ENTREP3: variants seen among roughly 807,000 people sequenced by gnomAD.
ENTREP3 encodes the protein endosomal transmembrane epsin interactor 3.
chr1:155,253,987 A>C, the ENTREP3 span: 1 of 1,612,782 alleles, frequency 6.2e-7, no homozygotes, highest in Admixed American at 1.7e-5. Flanking sequence ...TCCTGAGTGG[A>C]GCAGGGAGGG....
the ENTREP3 span, chr1:155,248,613 T>C: frequency 1.4e-6 from 1 of 703,516 alleles, no homozygotes; most frequent in South Asian, 1.7e-5. Flanking sequence ...AGCATCTCTG[T>C]CCATATTAGC....
the ENTREP3 span, chr1:155,247,868 G>C: frequency 6.5e-7 from 1 of 1,528,390 alleles, no homozygotes. Flanking sequence ...GACAGGAGAC[G>C]CCGCAGGGAA....
chr1:155,248,934 T>C, the ENTREP3 span, among the ~76,000 whole-genome samples: 1 of 152,050 alleles, frequency 6.6e-6, no homozygotes, highest in Non-Finnish European at 1.5e-5. Flanking sequence ...TAGGCTGGTC[T>C]TGAACTCCTG....
At chr1:155,254,115 T>C in the ENTREP3 span, 3 of 1,614,048 alleles carry the variant, frequency 1.9e-6, no homozygotes, top group South Asian at 3.3e-5. The surrounding 1 kb of genome is among the most constrained non-coding windows in gnomAD (Gnocchi z 4.4). Flanking sequence ...TCGGGCCAGT[T>C]GAGCATTCTT....
chr1:155,247,480 A>G, the ENTREP3 span: 1 of 646,512 alleles, frequency 1.5e-6, no homozygotes, highest in Non-Finnish European at 2.9e-6. Flanking sequence ...GCCCTTGCAA[A>G]TCAGAAAGAG....
chr1:155,249,885 CA>C, the ENTREP3 span, among the ~76,000 whole-genome samples: 454 of 31,148 alleles, frequency 0.015, 1 homozygote, highest in African/African-American at 0.061. Context: ...GACACCGTCT[CA>C]AAAAAAAAAA....
At chr1:155,250,860 C>T in the ENTREP3 span, 14 of 1,546,416 alleles carry the variant, frequency 9.1e-6, no homozygotes, top group Non-Finnish European at 1.2e-5. This position sits in a 1 kb window ranked among gnomAD's most constrained non-coding sequence, Gnocchi z 5.4. Flanking sequence ...ACCAGCCTGG[C>T]CTGGCCTAGC....
At chr1:155,255,340 C>T in the ENTREP3 span, 1 of 166,864 alleles carries the variant, frequency 6.0e-6, no homozygotes, top group African/African-American at 2.4e-5. The surrounding 1 kb of genome is among the most constrained non-coding windows in gnomAD (Gnocchi z 5.6). Flanking sequence ...CTCAGGGCGT[C>T]CAGTAGGATC....
At chr1:155,254,172 G>A in the ENTREP3 span, 4 of 1,613,862 alleles carry the variant, frequency 2.5e-6, no homozygotes, top group African/African-American at 1.3e-5. This position sits in a 1 kb window ranked among gnomAD's most constrained non-coding sequence, Gnocchi z 4.4. Flanking sequence ...ACAGAGCACC[G>A]AAAGCAAGGA....
At chr1:155,250,613 C>G in the ENTREP3 span, 2 of 1,609,198 alleles carry the variant, frequency 1.2e-6, no homozygotes, top group Admixed American at 1.7e-5. This position sits in a 1 kb window ranked among gnomAD's most constrained non-coding sequence, Gnocchi z 5.4. Flanking sequence ...GGCGCCGTGG[C>G]AGGGGGCTTT....
the ENTREP3 span, chr1:155,253,476 ATTCCTCCAATAGAT>A: frequency 1.6e-6 from 1 of 607,496 alleles, no homozygotes; most frequent in Non-Finnish European, 3.0e-6. Context: ...CTAAACATCC[ATTCCTCCAATAGAT>A]GAGGATAATA....
At chr1:155,252,041 C>G in the ENTREP3 span, 350 of 620,658 alleles carry the variant, frequency 5.6e-4, 3 homozygotes, top group South Asian at 9.1e-3. Context: ...TGGCCCCTCC[C>G]TCACCCAAAA....
chr1:155,253,651 T>C, the ENTREP3 span: 1 of 1,613,922 alleles, frequency 6.2e-7, no homozygotes, highest in Non-Finnish European at 8.5e-7. Flanking sequence ...AGGGAGAAGA[T>C]TTGGATGCAG....
chr1:155,248,215 A>G, the ENTREP3 span: 3 of 1,608,824 alleles, frequency 1.9e-6, no homozygotes, highest in East Asian at 4.5e-5. Flanking sequence ...AGGTGGGCAC[A>G]GGGCGCCGTT....
the ENTREP3 span, chr1:155,254,489 C>G: frequency 6.2e-7 from 1 of 1,613,408 alleles, no homozygotes; most frequent in Non-Finnish European, 8.5e-7. The surrounding 1 kb of genome is among the most constrained non-coding windows in gnomAD (Gnocchi z 4.4). Flanking sequence ...CTCAGCCTGG[C>G]AGGGGAGGCT....
At chr1:155,249,530 G>A in the ENTREP3 span, among the ~76,000 whole-genome samples, 9 of 151,884 alleles carry the variant, frequency 5.9e-5, no homozygotes, top group East Asian at 1.8e-3. Flanking sequence ...GATCACTTGA[G>A]GTCAGGAGTT....
the ENTREP3 span, chr1:155,247,906 C>T: frequency 2.4e-5 from 38 of 1,588,462 alleles, no homozygotes; most frequent in Middle Eastern, 1.7e-4. Context: ...TCCGCAGCTG[C>T]GAAGGTGGAG....
chr1:155,248,420 A>G, the ENTREP3 span: 1 of 1,614,014 alleles, frequency 6.2e-7, no homozygotes, highest in Non-Finnish European at 8.5e-7. Context: ...TCTGCAGAGG[A>G]AACAGAAGCA....
the ENTREP3 span, chr1:155,254,402 C>T: frequency 1.2e-6 from 2 of 1,614,176 alleles, no homozygotes; most frequent in Non-Finnish European, 1.7e-6. The surrounding 1 kb of genome is among the most constrained non-coding windows in gnomAD (Gnocchi z 4.4). Flanking sequence ...GCACCTACCA[C>T]TAGAGTGAAT....
Sources: allele counts gnomAD v4.1 joint callset (sites outside exome capture counted in the v4.1 genomes callset), GRCh38; gene constraint gnomAD v4.1.1; non-coding constraint Gnocchi (gnomAD v3.1); transcripts MANE v1.5; gene names NCBI Gene and HGNC (gene_info 2026-07-23, HGNC 2026-07-21).